The following KCNIP1 variants were observed in gnomAD, a reference collection of about 807,000 sequenced individuals.
The protein encoded by KCNIP1 is potassium voltage-gated channel interacting protein 1.
In KCNIP1, 18 loss-of-function variants were observed where a neutral mutation model predicts 33.0. That is an observed-to-expected ratio of 0.55 (90% CI 0.38 to 0.81). The LOEUF is 0.81. Ranked by LOEUF, KCNIP1 falls within the 30% of genes least tolerant of loss-of-function variation. The probability of loss-of-function intolerance (pLI) is 0.00; values close to 1 mark genes in which losing one functional copy is unlikely to be tolerated. For missense variants in KCNIP1, 238 were observed against 271.6 expected (o/e 0.88, Z 0.87); for synonymous variants, 93 against 98.3 (o/e 0.95, Z 0.32).
intron 1 of KCNIP1, among the ~76,000 whole-genome samples, chr5:170,657,976 C>CAGT (rs1486830599): frequency 1.3e-5 from 2 of 152,204 alleles, no homozygotes; most frequent in African/African-American, 4.8e-5. Context: ...TGCTGGGATA[C>CAGT]AGTCCTCATG....
chr5:170,665,953 T>G (rs770482438), intron 1 of KCNIP1, among the ~76,000 whole-genome samples: 12 of 152,204 alleles, frequency 7.9e-5, no homozygotes, highest in Non-Finnish European at 1.5e-5. Flanking sequence ...CTATCACTGC[T>G]GATGGTGACC....
At chr5:170,358,679 T>C (rs1350504873) in intron 1 of KCNIP1, among the ~76,000 whole-genome samples, 1 of 152,244 alleles carries the variant, frequency 6.6e-6, no homozygotes, top group Non-Finnish European at 1.5e-5. Context: ...CCAACTCTGC[T>C]CTTGCAGGGC....
Position 170,720,378 on chromosome 5 carries a change from T to C in KCNIP1, c.244T>C (p.Phe82Leu). The C allele has an allele frequency of 6.2e-7, 1 of 1,613,834 alleles. No homozygotes were observed. Among genetic ancestry groups the C allele is most frequent in the South Asian group, 1.1e-5 (1 of 91,072 alleles). The change falls in exon 3 of 8, where the codon TTC becomes CTC. Residue 82 changes from phenylalanine to leucine, a missense_variant. By Grantham distance (22) the Phe-to-Leu change is conservative. Transcript: ENST00000328939. ...ATTCAAGCAGATCTATGCTCAGTTT[T>C]TCCCTCATGGAGGTGAGTCTGACCT... ...DTFKQIYAQF[F>L]PHGDASTYAH... is the part of the protein sequence containing the mutation.
At position 170,551,638 on chromosome 5, in the gene KCNIP1, A is replaced by ATG. The variant is rs1756639493; in HGVS notation, c.61+47016_61+47017dup. On this transcript the variant is annotated intron_variant, in intron 1 of 7. Transcript: ENST00000328939. ...GGTAGCTGTGTGTGTGTGTGTGTGC[A>ATG]TGTGTGTGTGTGCTTGAGTGACTGT... Among the ~76,000 whole-genome samples, 4 of 149,834 alleles carry ATG rather than the reference A, an allele frequency of 2.7e-5. No homozygotes were observed. The South Asian group carries it at 8.6e-4, about 32-fold the overall frequency.
intron 1 of KCNIP1, among the ~76,000 whole-genome samples, chr5:170,682,925 G>A (rs1233753285): frequency 1.3e-5 from 2 of 151,034 alleles, no homozygotes. Context: ...CACCGCATCT[G>A]GCCAAGCTTC....
chr5:170,460,945 GA>G (rs1438983446), intron 1 of KCNIP1, among the ~76,000 whole-genome samples: 1 of 152,150 alleles, frequency 6.6e-6, no homozygotes, highest in African/African-American at 2.4e-5. Context: ...ACTGATCAAA[GA>G]ATTCAGCAAA....
intron 1 of KCNIP1, among the ~76,000 whole-genome samples, chr5:170,474,546 T>A (rs1756807724): frequency 6.6e-6 from 1 of 152,150 alleles, no homozygotes; most frequent in African/African-American, 2.4e-5. Context: ...CAGCTTCCAT[T>A]TATCGAGCAC....
chr5:170,643,206 G>A (rs1760647079), intron 1 of KCNIP1, among the ~76,000 whole-genome samples: 1 of 152,262 alleles, frequency 6.6e-6, no homozygotes, highest in South Asian at 2.1e-4. Context: ...AAGGCGTCCA[G>A]GTGGCTGGAA....
At chr5:170,697,023 C>T (rs1762920822) in intron 1 of KCNIP1, among the ~76,000 whole-genome samples, 1 of 151,988 alleles carries the variant, frequency 6.6e-6, no homozygotes, top group African/African-American at 2.4e-5. Context: ...CTCTGTCTCT[C>T]TTTCTCTCTC....
chr5:170,649,653 T>C (rs751303949), intron 1 of KCNIP1, among the ~76,000 whole-genome samples: 2 of 150,974 alleles, frequency 1.3e-5, no homozygotes, highest in East Asian at 3.9e-4. Context: ...CTACTCAGCC[T>C]GAGCATCATT....
chr5:170,581,251 G>A (rs1164441906), intron 1 of KCNIP1, among the ~76,000 whole-genome samples: 4 of 152,174 alleles, frequency 2.6e-5, no homozygotes, highest in Non-Finnish European at 5.9e-5. Flanking sequence ...GAGGCCTGCA[G>A]ACAGGGACTA....
chr5:170,675,830 G>A (rs1051472072), intron 1 of KCNIP1, among the ~76,000 whole-genome samples: 1 of 152,106 alleles, frequency 6.6e-6, no homozygotes, highest in Non-Finnish European at 1.5e-5. Context: ...AGTTGATTAT[G>A]GAGAGTGGCA....
At chr5:170,406,851 T>C (rs1755051382) in intron 1 of KCNIP1, among the ~76,000 whole-genome samples, 2 of 152,194 alleles carry the variant, frequency 1.3e-5, no homozygotes, top group South Asian at 4.1e-4. Flanking sequence ...GGCAAGGCCA[T>C]GGGCCCAAAT....
At chr5:170,684,256 C>T (rs1042318575) in intron 1 of KCNIP1, among the ~76,000 whole-genome samples, 1 of 152,152 alleles carries the variant, frequency 6.6e-6, no homozygotes, top group Non-Finnish European at 1.5e-5. Flanking sequence ...ACTGCCAGAA[C>T]AAATTACTAC....
At chr5:170,470,466 G>C (rs561580754) in intron 1 of KCNIP1, among the ~76,000 whole-genome samples, 2 of 151,972 alleles carry the variant, frequency 1.3e-5, no homozygotes, top group African/African-American at 4.8e-5. Context: ...CTGCCCACCC[G>C]GCACAGTGCA....
At chr5:170,404,574 C>T (rs930551118) in intron 1 of KCNIP1, among the ~76,000 whole-genome samples, 3 of 152,108 alleles carry the variant, frequency 2.0e-5, no homozygotes, top group Non-Finnish European at 2.9e-5. Flanking sequence ...GTGACTATGC[C>T]ATGTGTTTCT....
At chr5:170,355,032 T>C (rs1763308351) in intron 1 of KCNIP1, among the ~76,000 whole-genome samples, 1 of 152,204 alleles carries the variant, frequency 6.6e-6, no homozygotes, top group Non-Finnish European at 1.5e-5. Flanking sequence ...TCTCATGACA[T>C]GGCTCAGGTG....
At chr5:170,560,378 G>A (rs182183403) in intron 1 of KCNIP1, among the ~76,000 whole-genome samples, 2 of 152,204 alleles carry the variant, frequency 1.3e-5, no homozygotes, top group East Asian at 1.9e-4. Context: ...CAGCCAGAAT[G>A]TCTTGACAGG....
chr5:170,642,605 G>A (rs1044092262), intron 1 of KCNIP1, among the ~76,000 whole-genome samples: 5 of 152,142 alleles, frequency 3.3e-5, no homozygotes, highest in East Asian at 1.9e-4. Flanking sequence ...CCCCATAGCC[G>A]GGAGTAAAGG....
Sources: gnomAD v4.1 joint callset for allele counts (sites outside exome capture counted in the v4.1 genomes callset) on GRCh38, gnomAD v4.1.1 for gene constraint, MANE v1.5 for transcripts, NCBI Gene and HGNC (gene_info 2026-07-23, HGNC 2026-07-21) for gene names.